SORCS3: variants seen among roughly 807,000 people sequenced by gnomAD.
SORCS3 encodes the protein VPS10 domain-containing receptor SorCS3.
Under a neutral mutation model 146.3 loss-of-function variants are expected in SORCS3, and 57 were observed. The observed-to-expected ratio is 0.39, with a 90% CI of 0.31 to 0.49. The LOEUF (loss-of-function observed/expected upper bound fraction) is 0.49. Ranked by LOEUF, SORCS3 falls within the 20% of genes least tolerant of loss-of-function variation. The pLI is 0.92. For missense variants in SORCS3, 1,341 were observed against 1,575.5 expected, an observed-to-expected ratio of 0.85 and a Z score of 2.52; for synonymous variants, 653 against 618.5, an observed-to-expected ratio of 1.06 and a Z score of -0.83.
chr10:104,683,242 G>A (rs1271261125), intron 1 of SORCS3, among the ~76,000 whole-genome samples: 1 of 152,180 alleles, frequency 6.6e-6, no homozygotes, highest in African/African-American at 2.4e-5. Flanking sequence ...TAAATTTGGG[G>A]CACAGTACTC....
chr10:105,097,104 A>G (rs1272973565), intron 6 of SORCS3, among the ~76,000 whole-genome samples: 1 of 152,144 alleles, frequency 6.6e-6, no homozygotes, highest in Non-Finnish European at 1.5e-5. Context: ...GTGGTGTGGC[A>G]TTGACAATTC....
chr10:105,255,055 G>A (rs2056922506), intron 23 of SORCS3, among the ~76,000 whole-genome samples: 3 of 151,744 alleles, frequency 2.0e-5, no homozygotes, highest in Non-Finnish European at 4.4e-5. Context: ...GGGCGAGGAG[G>A]CGTGCGCTTG....
At chr10:104,862,086 T>A (rs1363131208) in intron 2 of SORCS3, among the ~76,000 whole-genome samples, 2 of 152,350 alleles carry the variant, frequency 1.3e-5, no homozygotes, top group East Asian at 3.9e-4. Context: ...GGTCACATTC[T>A]GAGGTCCCAG....
At chr10:104,728,533 G>A (rs1302377259) in intron 1 of SORCS3, among the ~76,000 whole-genome samples, 1 of 152,196 alleles carries the variant, frequency 6.6e-6, no homozygotes, top group Non-Finnish European at 1.5e-5. Context: ...GGTTAGGACA[G>A]TGAGAGTAGA....
chr10:104,714,473 G>T (rs1161085539), intron 1 of SORCS3, among the ~76,000 whole-genome samples: 6 of 151,972 alleles, frequency 3.9e-5, no homozygotes, highest in Non-Finnish European at 5.9e-5. Context: ...AATTTTGTTA[G>T]AAATATTTAA....
At chr10:104,822,013 A>C (rs2017878531) in intron 1 of SORCS3, 1 of 488,986 alleles carries the variant, frequency 2.0e-6, no homozygotes, top group African/African-American at 2.0e-5. Flanking sequence ...GGGCACTTTC[A>C]TACCATCTCA....
intron 1 of SORCS3, among the ~76,000 whole-genome samples, chr10:104,721,919 G>T (rs1054887492): frequency 6.6e-6 from 1 of 152,182 alleles, no homozygotes; most frequent in African/African-American, 2.4e-5. Flanking sequence ...CATGTCATCT[G>T]CAAACAGGAA....
intron 4 of SORCS3, among the ~76,000 whole-genome samples, chr10:105,027,200 CT>C (rs1370305771): frequency 1.3e-5 from 2 of 152,132 alleles, no homozygotes; most frequent in Non-Finnish European, 2.9e-5. Context: ...TCCACATCAC[CT>C]GCCCTTTCAT....
intron 11 of SORCS3, among the ~76,000 whole-genome samples, chr10:105,160,827 G>A (rs12269288): frequency 0.081 from 12,396 of 152,222 alleles, 624 homozygotes; most frequent in Middle Eastern, 0.15. Context: ...CAGGAAACTT[G>A]TCCTCCTGCT....
At chr10:105,041,086 T>C (rs1017060592) in intron 4 of SORCS3, among the ~76,000 whole-genome samples, 7 of 147,814 alleles carry the variant, frequency 4.7e-5, no homozygotes, top group African/African-American at 1.7e-4. Context: ...TATGTATATA[T>C]ATTTATATAT....
intron 7 of SORCS3, among the ~76,000 whole-genome samples, chr10:105,107,040 G>T (rs992198224): frequency 6.6e-6 from 1 of 152,160 alleles, no homozygotes; most frequent in Admixed American, 6.6e-5. Context: ...GTGACCTCAT[G>T]TACTGCAGCC....
At chr10:105,029,841 TA>T (rs1475248006) in intron 4 of SORCS3, among the ~76,000 whole-genome samples, 1 of 152,218 alleles carries the variant, frequency 6.6e-6, no homozygotes, top group Non-Finnish European at 1.5e-5. Flanking sequence ...CCTCAAGAAT[TA>T]CCTGAACAGA....
chr10:104,812,098 C>T (rs2017747736), intron 1 of SORCS3, among the ~76,000 whole-genome samples: 1 of 152,092 alleles, frequency 6.6e-6, no homozygotes, highest in African/African-American at 2.4e-5. Context: ...TGAAAGGATC[C>T]AGATGAAGGG....
chr10:104,779,356 G>C (rs188652186), intron 1 of SORCS3, among the ~76,000 whole-genome samples: 1 of 152,314 alleles, frequency 6.6e-6, no homozygotes, highest in Non-Finnish European at 1.5e-5. Flanking sequence ...GCTGAGCTCT[G>C]TGCCAGGCAT....
At chr10:105,118,847 G>A (rs917469137) in intron 7 of SORCS3, among the ~76,000 whole-genome samples, 10 of 152,088 alleles carry the variant, frequency 6.6e-5, no homozygotes, top group African/African-American at 2.4e-4. Context: ...GAGGCAAAAC[G>A]TTCAAGAGAA....
At chr10:104,900,148 A>G (rs918820282) in intron 2 of SORCS3, among the ~76,000 whole-genome samples, 1 of 152,162 alleles carries the variant, frequency 6.6e-6, no homozygotes, top group Non-Finnish European at 1.5e-5. Context: ...CTCTGATTTT[A>G]GGGAACCCAG....
chr10:105,027,927 C>A (rs790664), intron 4 of SORCS3, among the ~76,000 whole-genome samples: 80,583 of 152,028 alleles, frequency 0.53, 23,774 homozygotes, highest in African/African-American at 0.81. Context: ...GTATTTAAAA[C>A]GTTATCTTTA....
intron 7 of SORCS3, among the ~76,000 whole-genome samples, chr10:105,137,016 A>G (rs2056063363): frequency 6.6e-6 from 1 of 152,138 alleles, no homozygotes; most frequent in African/African-American, 2.4e-5. Context: ...TGCGGGGCTG[A>G]TCACGCTGTC....
At chr10:104,735,458 T>TTTTTTTTTTTTTTTTTTTTTTTTTTTG (rs2016758632) in intron 1 of SORCS3, among the ~76,000 whole-genome samples, 1 of 129,670 alleles carries the variant, frequency 7.7e-6, no homozygotes, top group South Asian at 2.8e-4. Flanking sequence ...CACCGTCTGT[T>TTTTTTTTTTTTTTTTTTTTTTTTTTTG]TTTTTTTTTT....
Sources: gnomAD v4.1 joint callset for allele counts (sites outside exome capture counted in the v4.1 genomes callset) on GRCh38, gnomAD v4.1.1 for gene constraint, MANE v1.5 for transcripts, NCBI Gene and HGNC (gene_info 2026-07-23, HGNC 2026-07-21) for gene names.